The following SEMA3E variants were observed in gnomAD, a reference collection of about 807,000 sequenced individuals.
SEMA3E encodes semaphorin-3E.
A neutral mutation model predicts 93.6 loss-of-function variants in SEMA3E; 49 were observed. The observed-to-expected ratio is 0.52, with a 90% confidence interval of 0.42 to 0.66. SEMA3E has a LOEUF of 0.66. Among genes scored for constraint, SEMA3E ranks in the 30% least tolerant of loss-of-function variants. The pLI, the probability that SEMA3E is intolerant of heterozygous loss-of-function variation, is 0.00. For missense variants in SEMA3E, 906 were observed against 964.8 expected, an observed-to-expected ratio of 0.94 and a Z score of 0.81; for synonymous variants, 363 against 330.7, an observed-to-expected ratio of 1.10 and a Z score of -1.06.
intron 1 of SEMA3E, among the ~76,000 whole-genome samples, chr7:83,561,767 A>T (rs964037234): frequency 6.6e-6 from 1 of 152,174 alleles, no homozygotes; most frequent in Non-Finnish European, 1.5e-5. Context: ...AATGAAAATG[A>T]TATTTTAAGA....
chr7:83,620,865 A>G (rs78269493), intron 1 of SEMA3E, among the ~76,000 whole-genome samples: 1 of 152,176 alleles, frequency 6.6e-6, no homozygotes, highest in Non-Finnish European at 1.5e-5. Flanking sequence ...AGAGCCACAT[A>G]TGATAAGCCC....
chr7:83,473,608 A>C (rs1053878206), intron 2 of SEMA3E, among the ~76,000 whole-genome samples: 4 of 152,144 alleles, frequency 2.6e-5, no homozygotes, highest in African/African-American at 9.7e-5. Context: ...AAAAATCCAT[A>C]TTTCTGATTT....
intron 1 of SEMA3E, among the ~76,000 whole-genome samples, chr7:83,545,616 A>C (rs1791631833): frequency 6.6e-6 from 1 of 150,478 alleles, no homozygotes; most frequent in South Asian, 2.1e-4. Context: ...AACTAGGGAA[A>C]TGCTGTGCAG....
chr7:83,415,589 C>T (rs963947788), intron 5 of SEMA3E, among the ~76,000 whole-genome samples: 1 of 152,196 alleles, frequency 6.6e-6, no homozygotes, highest in Middle Eastern at 3.4e-3. Context: ...TTTCATCTAT[C>T]AAATAAGCTT....
Position 83,564,122 on chromosome 7 carries a change from CTT to C in SEMA3E, c.116-73850_116-73849del, listed in dbSNP as rs565899339. Among the ~76,000 whole-genome samples, 258 of 152,238 alleles carry C rather than the reference CTT, an allele frequency of 1.7e-3. 1 individual carries two copies. The highest frequency in any genetic ancestry group is 5.9e-3 in the African/African-American group (246 of 41,550). On this transcript the variant is annotated intron_variant, in intron 1 of 16. Transcript: ENST00000643230. ...TGTATCCAAATGGGCAGTGAACTCA[CTT>C]TCTCTAAAAAGCCATTATTTTACAT...
chr7:83,391,802 T>C (rs545465528), intron 14 of SEMA3E, among the ~76,000 whole-genome samples: 17 of 152,300 alleles, frequency 1.1e-4, no homozygotes, highest in African/African-American at 3.6e-4. Context: ...TTGAAATTAA[T>C]ACAAACTGTT....
chr7:83,525,191 T>C (rs1310354133), intron 1 of SEMA3E, among the ~76,000 whole-genome samples: 1 of 152,122 alleles, frequency 6.6e-6, no homozygotes, highest in African/African-American at 2.4e-5. Context: ...CATTTTCTGT[T>C]GCCTCCTGGA....
chr7:83,542,618 A>T (rs1424227449), intron 1 of SEMA3E, among the ~76,000 whole-genome samples: 1 of 152,180 alleles, frequency 6.6e-6, no homozygotes, highest in African/African-American at 2.4e-5. Context: ...GACCTTTTCA[A>T]AAGTAAAACT....
At chr7:83,634,382 A>G (rs1793842149) in intron 1 of SEMA3E, among the ~76,000 whole-genome samples, 2 of 152,060 alleles carry the variant, frequency 1.3e-5, no homozygotes, top group Admixed American at 1.3e-4. Context: ...GAGATAATTC[A>G]GTTTTTTTTC....
At chr7:83,425,356 GTTCCT>G (rs1199182398) in intron 4 of SEMA3E, among the ~76,000 whole-genome samples, 1 of 151,920 alleles carries the variant, frequency 6.6e-6, no homozygotes, top group Non-Finnish European at 1.5e-5. Flanking sequence ...TATTTTTAGT[GTTCCT>G]TTCTTCAATA....
chr7:83,546,064 A>C (rs2115782945), intron 1 of SEMA3E, among the ~76,000 whole-genome samples: 1 of 147,836 alleles, frequency 6.8e-6, no homozygotes, highest in Admixed American at 6.9e-5. Context: ...TACACATATT[A>C]TCCCACGATG....
chr7:83,639,110 C>CAAAA (rs1172097095), intron 1 of SEMA3E, among the ~76,000 whole-genome samples: 20 of 27,462 alleles, frequency 7.3e-4, no homozygotes, highest in African/African-American at 1.3e-3. Context: ...GACTCCGTCT[C>CAAAA]AAAAAAAAAA....
chr7:83,499,174 A>G (rs1439050733), intron 1 of SEMA3E, among the ~76,000 whole-genome samples: 1 of 152,218 alleles, frequency 6.6e-6, no homozygotes, highest in Non-Finnish European at 1.5e-5. Context: ...TACTACTAAT[A>G]CAGCACTGCA....
chr7:83,577,626 G>A (rs1792433125), intron 1 of SEMA3E, among the ~76,000 whole-genome samples: 1 of 152,032 alleles, frequency 6.6e-6, no homozygotes, highest in Non-Finnish European at 1.5e-5. Flanking sequence ...ATACCAAACT[G>A]GATGCAATTG....
chr7:83,452,154 T>G (rs1789376143), intron 4 of SEMA3E, among the ~76,000 whole-genome samples: 1 of 152,124 alleles, frequency 6.6e-6, no homozygotes, highest in Non-Finnish European at 1.5e-5. Flanking sequence ...TGTGTCTGTG[T>G]GTGTGTGTAT....
intron 1 of SEMA3E, among the ~76,000 whole-genome samples, chr7:83,550,980 A>C (rs796167311): frequency 1.3e-5 from 2 of 152,232 alleles, no homozygotes; most frequent in African/African-American, 4.8e-5. Flanking sequence ...AACCTCAATG[A>C]GTTATTTTAG....
intron 4 of SEMA3E, among the ~76,000 whole-genome samples, chr7:83,425,879 A>G (rs1343992648): frequency 6.6e-6 from 1 of 152,186 alleles, no homozygotes; most frequent in Non-Finnish European, 1.5e-5. Flanking sequence ...AAGGAACTTA[A>G]TTCAAAAGCA....
At chr7:83,493,760 A>G (rs977482803) in intron 1 of SEMA3E, among the ~76,000 whole-genome samples, 15 of 152,008 alleles carry the variant, frequency 9.9e-5, no homozygotes, top group African/African-American at 3.6e-4. Flanking sequence ...TATGAATGCC[A>G]TGGTTTATAT....
intron 4 of SEMA3E, among the ~76,000 whole-genome samples, chr7:83,445,680 T>C (rs1789213287): frequency 1.3e-5 from 2 of 152,136 alleles, no homozygotes; most frequent in African/African-American, 4.8e-5. Flanking sequence ...ATTGCGCCAT[T>C]GCATTCCAGC....
Sources: gnomAD v4.1 joint callset for allele counts (sites outside exome capture counted in the v4.1 genomes callset) on GRCh38, gnomAD v4.1.1 for gene constraint, MANE v1.5 for transcripts, NCBI Gene and HGNC (gene_info 2026-07-23, HGNC 2026-07-21) for gene names.